CDK14: variants seen among roughly 807,000 people sequenced by gnomAD.
CDK14 encodes the protein cyclin dependent kinase 14, also known as cyclin-dependent kinase 14.
In CDK14, 34 loss-of-function variants were observed where a neutral mutation model predicts 60.7. The observed-to-expected ratio is 0.56, with a 90% CI of 0.43 to 0.75. CDK14 has a LOEUF of 0.75. Ranked by LOEUF, CDK14 falls within the 30% of genes least tolerant of loss-of-function variation. The pLI is 0.00. For missense variants in CDK14, 482 were observed against 564.1 expected, an observed-to-expected ratio of 0.85 and a Z score of 1.47; for synonymous variants, 197 against 203.7, an observed-to-expected ratio of 0.97 and a Z score of 0.28.
intron 6 of CDK14, among the ~76,000 whole-genome samples, chr7:90,898,542 C>G (rs558675948): frequency 2.0e-5 from 3 of 151,872 alleles, no homozygotes; most frequent in African/African-American, 7.2e-5. Flanking sequence ...ATAGTACACT[C>G]CAATAAAATA....
At chr7:90,978,885 A>G (rs1321048474) in intron 9 of CDK14, among the ~76,000 whole-genome samples, 1 of 152,206 alleles carries the variant, frequency 6.6e-6, no homozygotes, top group East Asian at 1.9e-4. Context: ...ATTATTTACA[A>G]ATAATCATGA....
At chr7:90,830,550 G>A (rs1346741892) in intron 5 of CDK14, among the ~76,000 whole-genome samples, 5 of 152,160 alleles carry the variant, frequency 3.3e-5, no homozygotes, top group African/African-American at 9.7e-5. Flanking sequence ...CATTGTCGTG[G>A]CTATTACCAT....
At chr7:91,077,672 T>C (rs1176779584) in intron 11 of CDK14, among the ~76,000 whole-genome samples, 1 of 151,300 alleles carries the variant, frequency 6.6e-6, no homozygotes, top group Admixed American at 6.6e-5. Context: ...AAAAGAAAAA[T>C]AATAATTTAT....
At chr7:91,153,720 G>C (rs964524746) in intron 14 of CDK14, among the ~76,000 whole-genome samples, 4 of 152,054 alleles carry the variant, frequency 2.6e-5, no homozygotes, top group African/African-American at 9.7e-5. Context: ...ACACATACTG[G>C]GGCTTATCAG....
chr7:90,956,912 G>A (rs7806001), intron 9 of CDK14, among the ~76,000 whole-genome samples: 149,349 of 151,620 alleles, frequency 0.99, 73,595 homozygotes, highest in East Asian at 1. Flanking sequence ...ATGATTTCCA[G>A]TTTCATCCAT....
At chr7:90,714,418 G>A (rs1802171171) in intron 2 of CDK14, among the ~76,000 whole-genome samples, 1 of 152,010 alleles carries the variant, frequency 6.6e-6, no homozygotes, top group Non-Finnish European at 1.5e-5. Flanking sequence ...GCAGGATTTG[G>A]TATTGACTTT....
chr7:91,110,270 T>C (rs1799434351), intron 12 of CDK14, among the ~76,000 whole-genome samples: 1 of 151,754 alleles, frequency 6.6e-6, no homozygotes, highest in South Asian at 2.1e-4. Flanking sequence ...AATGAAAATA[T>C]GATTATTGGC....
At chr7:91,035,162 C>T (rs867576749) in intron 10 of CDK14, among the ~76,000 whole-genome samples, 2 of 152,304 alleles carry the variant, frequency 1.3e-5, no homozygotes, top group African/African-American at 4.8e-5. Context: ...TGTCTACCCT[C>T]TAAGCTGTAA....
intron 2 of CDK14, among the ~76,000 whole-genome samples, chr7:90,672,260 C>T (rs566890866): frequency 1.1e-4 from 17 of 152,222 alleles, no homozygotes; most frequent in East Asian, 3.9e-4. Flanking sequence ...ACCATTACCA[C>T]GGTTTTAGAA....
At chr7:91,021,402 A>C (rs1030107509) in intron 10 of CDK14, among the ~76,000 whole-genome samples, 2 of 152,360 alleles carry the variant, frequency 1.3e-5, no homozygotes, top group South Asian at 2.1e-4. Flanking sequence ...TAAAGCACTT[A>C]GGACAATGCC....
chr7:90,942,994 A>C (rs1793981097), intron 8 of CDK14, among the ~76,000 whole-genome samples: 1 of 152,154 alleles, frequency 6.6e-6, no homozygotes, highest in South Asian at 2.1e-4. Context: ...TTTTAAAAAA[A>C]ACTGTCGAGT....
intron 12 of CDK14, among the ~76,000 whole-genome samples, chr7:91,085,888 C>A (rs924944863): frequency 1.3e-5 from 2 of 152,164 alleles, no homozygotes; most frequent in South Asian, 2.1e-4. Context: ...AAAGTTTGGC[C>A]CGACATTTCT....
At chr7:90,712,678 T>C (rs934559935) in intron 2 of CDK14, among the ~76,000 whole-genome samples, 13 of 152,132 alleles carry the variant, frequency 8.5e-5, no homozygotes, top group Non-Finnish European at 1.6e-4. Flanking sequence ...TATTTTCATA[T>C]ATTTATCTAT....
intron 8 of CDK14, among the ~76,000 whole-genome samples, chr7:90,926,446 G>T (rs555756538): frequency 6.6e-6 from 1 of 152,300 alleles, no homozygotes; most frequent in East Asian, 1.9e-4. Context: ...ATTCCTGGGT[G>T]AATTAAAGCA....
At chr7:90,663,022 T>G (rs73393708) in intron 2 of CDK14, among the ~76,000 whole-genome samples, 21,901 of 151,904 alleles carry the variant, frequency 0.14, 1,727 homozygotes, top group Middle Eastern at 0.25. Flanking sequence ...ACAAGTATTT[T>G]TTGTTGTTGT....
At chr7:90,682,433 T>C (rs1260781357) in intron 2 of CDK14, among the ~76,000 whole-genome samples, 1 of 152,200 alleles carries the variant, frequency 6.6e-6, no homozygotes, top group Non-Finnish European at 1.5e-5. Flanking sequence ...CTATTGTGTG[T>C]GTATATAGAT....
At chr7:91,098,473 G>A (rs1584055827) in intron 12 of CDK14, among the ~76,000 whole-genome samples, 1 of 150,712 alleles carries the variant, frequency 6.6e-6, no homozygotes, top group African/African-American at 2.4e-5. Flanking sequence ...CCTGCATGTT[G>A]TGCACATGTA....
chr7:91,043,061 C>G (rs1434586891), intron 10 of CDK14, among the ~76,000 whole-genome samples: 1 of 152,184 alleles, frequency 6.6e-6, no homozygotes, highest in East Asian at 1.9e-4. Context: ...AGTTTGAGGT[C>G]TGGAATCTCA....
At chr7:91,016,927 GC>G in intron 10 of CDK14, among the ~76,000 whole-genome samples, 1 of 152,200 alleles carries the variant, frequency 6.6e-6, no homozygotes, top group East Asian at 1.9e-4. Flanking sequence ...ACTTCATTGG[GC>G]CTATTTTTCC....
Sources: gnomAD v4.1 joint callset for allele counts (sites outside exome capture counted in the v4.1 genomes callset) on GRCh38, gnomAD v4.1.1 for gene constraint, MANE v1.5 for transcripts, NCBI Gene and HGNC (gene_info 2026-07-23, HGNC 2026-07-21) for gene names.